USP34: variants seen among roughly 807,000 people sequenced by gnomAD.
USP34 encodes ubiquitin specific peptidase 34.
USP34 carries 70 observed loss-of-function variants against 460.3 expected under a neutral mutation model. The ratio of observed to expected loss-of-function variants is 0.15; its 90% CI spans 0.13 to 0.19. USP34 has a LOEUF of 0.19. Ranked by LOEUF, USP34 falls within the 10% of genes least tolerant of loss-of-function variation. USP34 has a pLI of 1.00. For synonymous variants in USP34, 1,647 were observed against 1,405.3 expected, an observed-to-expected ratio of 1.17 and a Z score of -3.85; for missense variants, 3,985 against 4,236.2, an observed-to-expected ratio of 0.94 and a Z score of 1.65.
chr2:61,306,936 A>G (rs1159980789), intron 27 of USP34, among the ~76,000 whole-genome samples: 3 of 152,130 alleles, frequency 2.0e-5, no homozygotes, highest in Non-Finnish European at 4.4e-5. Flanking sequence ...AACTAGAAAT[A>G]CCATTTGACC....
chr2:61,365,407 G>A (rs1256408692), intron 10 of USP34, among the ~76,000 whole-genome samples: 1 of 151,558 alleles, frequency 6.6e-6, no homozygotes, highest in Non-Finnish European at 1.5e-5. Flanking sequence ...TGGGATCAAT[G>A]AACACTTTAA....
At chr2:61,245,508 A>G (rs1310236484) in intron 50 of USP34, among the ~76,000 whole-genome samples, 1 of 151,886 alleles carries the variant, frequency 6.6e-6, no homozygotes, top group Non-Finnish European at 1.5e-5. Context: ...TTTATGACCT[A>G]GGATTAACAA....
chr2:61,438,087 T>C (rs367680420), intron 1 of USP34, among the ~76,000 whole-genome samples: 297 of 151,838 alleles, frequency 2.0e-3, no homozygotes, highest in Middle Eastern at 3.4e-3. Flanking sequence ...TTGATAAACA[T>C]AGACACAAAA....
chr2:61,378,912 C>CAAAAAAAAAAAAAAAAAA (rs1491197501), intron 7 of USP34, among the ~76,000 whole-genome samples: 2 of 8,632 alleles, frequency 2.3e-4, no homozygotes, highest in Non-Finnish European at 4.2e-4. Flanking sequence ...CTCAAAAAAA[C>CAAAAAAAAAAAAAAAAAA]GAAAAAAAAA....
At chr2:61,449,439 T>A (rs1695207381) in intron 1 of USP34, among the ~76,000 whole-genome samples, 2 of 149,266 alleles carry the variant, frequency 1.3e-5, no homozygotes, top group Non-Finnish European at 3.0e-5. Context: ...GGCATCTTTG[T>A]AGAAGTTTTC....
At position 61,232,470 on chromosome 2, in the gene USP34, A is replaced by G; in HGVS notation, c.7095T>C (p.Pro2365=). The G allele has an allele frequency of 6.2e-7, 1 of 1,609,450 alleles. No individual in the cohort carries two copies. The highest frequency in any genetic ancestry group is 8.5e-7 in the Non-Finnish European group (1 of 1,178,838). The part of the protein sequence containing the change: ...WWPMQILIKC[P]NQIVRQMFQR... ...TCCTTACCTGTCTCACAATTTGATTAGGGCACTTAATTAGTATCTGCATTG... is the reference window on the plus strand; with the variant it reads ...TCCTTACCTGTCTCACAATTTGATTGGGGCACTTAATTAGTATCTGCATTG... The change falls in exon 58 of 80, where the codon CCT becomes CCC. Residue 2365 remains proline (P), a synonymous_variant. Coordinates refer to ENST00000398571, the MANE Select transcript of USP34 (RefSeq NM_014709.4).
At chr2:61,272,522 G>A (rs923312993) in intron 41 of USP34, among the ~76,000 whole-genome samples, 1 of 151,398 alleles carries the variant, frequency 6.6e-6, no homozygotes, top group African/African-American at 2.4e-5. Context: ...AATATTCCAC[G>A]TCAAAGCACT....
intron 51 of USP34, among the ~76,000 whole-genome samples, chr2:61,243,557 C>G (rs1018480873): frequency 1.0e-4 from 10 of 97,728 alleles, no homozygotes; most frequent in African/African-American, 4.3e-4. Context: ...CTTCTTCCTT[C>G]ATTTTTTTTT....
At chr2:61,387,497 GTATA>G (rs551268918) in intron 5 of USP34, among the ~76,000 whole-genome samples, 12 of 147,702 alleles carry the variant, frequency 8.1e-5, no homozygotes, top group Non-Finnish European at 1.8e-4. Flanking sequence ...GTGTGTGAGT[GTATA>G]TATATGTATG....
At chr2:61,188,750 C>A in intron 79 of USP34, 41 bp from the exon 80 acceptor site, 1 of 1,596,056 alleles carries the variant, frequency 6.3e-7, no homozygotes, top group South Asian at 1.1e-5. Context: ...CTCTGAAAGT[C>A]ATTAAGATCA....
chr2:61,194,047 TAGCCATGGTTATACAAAAACAGGC>T, intron 75 of USP34: 1 of 875,272 alleles, frequency 1.1e-6, no homozygotes, highest in Non-Finnish European at 1.4e-6. Context: ...AGCTAGCAGG[TAGCCATGGTTATACAAAAACAGGC>T]AGCATGTGGG....
At chr2:61,438,148 A>G (rs1217297396) in intron 1 of USP34, among the ~76,000 whole-genome samples, 3 of 152,224 alleles carry the variant, frequency 2.0e-5, no homozygotes, top group African/African-American at 4.8e-5. Flanking sequence ...TCAAAATGTA[A>G]TAACCATGAT....
At chr2:61,389,951 T>A (rs895421985) in intron 5 of USP34, among the ~76,000 whole-genome samples, 2 of 152,118 alleles carry the variant, frequency 1.3e-5, no homozygotes, top group Non-Finnish European at 2.9e-5. Context: ...AGTGGCATCA[T>A]GAAAACTTAA....
intron 1 of USP34, among the ~76,000 whole-genome samples, chr2:61,465,743 C>G (rs966068490): frequency 6.6e-6 from 1 of 151,998 alleles, no homozygotes; most frequent in Non-Finnish European, 1.5e-5. Flanking sequence ...TTTGGGAGGC[C>G]GAGGCAGGTG....
At chr2:61,368,387 A>G (rs2694640) in intron 10 of USP34, among the ~76,000 whole-genome samples, 149,963 of 151,942 alleles carry the variant, frequency 0.99, 74,007 homozygotes, top group East Asian at 1. Flanking sequence ...AGCCAAGATC[A>G]CGCCACTGCA....
In USP34 at chr2:61,228,835, C is replaced by A; in HGVS notation, c.7360G>T (p.Glu2454Ter). Residue 2454 changes from glutamate to a stop codon, truncating the protein, a stop_gained, in exon 60 of 80, where the codon GAA becomes TAA. Coordinates refer to ENST00000398571, the MANE Select transcript of USP34 (RefSeq NM_014709.4). LOFTEE classifies it high-confidence loss of function. ...AFLYEFAKMG[E>*]EESQFLLSLQ... ...ACAAGATATAGCCTCACCTCTTCTTCACCCATTTTTGCAAATTCGTAAAGG... is the reference window on the plus strand; with the variant it reads ...ACAAGATATAGCCTCACCTCTTCTTAACCCATTTTTGCAAATTCGTAAAGG... The A allele has an allele frequency of 6.3e-7, 1 of 1,595,856 alleles. No individual in the cohort carries two copies. Among genetic ancestry groups the A allele is most frequent in the South Asian group, 1.1e-5 (1 of 87,720 alleles).
At chr2:61,393,503 T>C (rs1028402759) in intron 5 of USP34, among the ~76,000 whole-genome samples, 1 of 151,772 alleles carries the variant, frequency 6.6e-6, no homozygotes, top group East Asian at 1.9e-4. Context: ...TTTCAACCTA[T>C]CAGAATGGGT....
chr2:61,295,853 A>G (rs1223116457), intron 30 of USP34, among the ~76,000 whole-genome samples: 2 of 152,238 alleles, frequency 1.3e-5, no homozygotes, highest in Non-Finnish European at 2.9e-5. Flanking sequence ...ATCACATGAT[A>G]ATGTTCCAAA....
rs777083857 is a variant in USP34, at chr2:61,406,377, TTC to T, written c.132-251_132-250del. ...GTTTTACGTATGGATTTGTCTGTCC[TTC>T]TACACATGGAACTATTTAAAAACAA... On this transcript the variant is annotated intron_variant, in intron 2 of 79. Transcript: ENST00000398571. 2.6e-4 allele frequency among the ~76,000 whole-genome samples: 40 copies of T among 152,270 alleles called. No individual in the cohort carries two copies. In the East Asian group the frequency reaches 7.3e-3, roughly 28 times the overall value.
Sources: allele counts gnomAD v4.1 joint callset (sites outside exome capture counted in the v4.1 genomes callset), GRCh38; gene constraint gnomAD v4.1.1; transcripts MANE v1.5; gene names NCBI Gene and HGNC (gene_info 2026-07-23, HGNC 2026-07-21).